The following TBC1D22A variants were observed in gnomAD, a reference collection of about 807,000 sequenced individuals.
TBC1D22A encodes the protein putative GTPase activator.
TBC1D22A carries 38 observed loss-of-function variants against 60.2 expected under a neutral mutation model. That is an observed-to-expected ratio of 0.63 (90% confidence interval 0.49 to 0.83). The LOEUF (loss-of-function observed/expected upper bound fraction) is 0.83. Ranked by LOEUF, TBC1D22A falls within the 40% of genes least tolerant of loss-of-function variation. The pLI is 0.00. For missense variants in TBC1D22A, 628 were observed against 701.0 expected (o/e 0.90, Z 1.18); for synonymous variants, 302 against 281.7 (o/e 1.07, Z -0.72).
chr22:47,161,936 T>C (rs1160123518), intron 12 of TBC1D22A, among the ~76,000 whole-genome samples: 1 of 152,218 alleles, frequency 6.6e-6, no homozygotes, highest in Non-Finnish European at 1.5e-5. Context: ...GCAAGCCCCG[T>C]CTTCTGGCAC....
intron 8 of TBC1D22A, among the ~76,000 whole-genome samples, chr22:46,966,348 G>A (rs2073804598): frequency 1.3e-5 from 2 of 152,160 alleles, no homozygotes; most frequent in South Asian, 2.1e-4. Context: ...ACAGACGGTC[G>A]AAAGCATCGG....
intron 1 of TBC1D22A, among the ~76,000 whole-genome samples, chr22:46,766,005 GTA>G (rs1556000714): frequency 7.2e-6 from 1 of 138,456 alleles, no homozygotes; most frequent in African/African-American, 2.7e-5. Flanking sequence ...GTGTGTGTGT[GTA>G]TTTTTTTTGA....
At chr22:47,124,140 C>T (rs970269549) in intron 12 of TBC1D22A, among the ~76,000 whole-genome samples, 3 of 151,968 alleles carry the variant, frequency 2.0e-5, no homozygotes, top group Non-Finnish European at 4.4e-5. Flanking sequence ...CTTGGGTCAG[C>T]GGGGGAGGGC....
At chr22:46,814,019 C>T (rs1375518906) in intron 4 of TBC1D22A, among the ~76,000 whole-genome samples, 1 of 152,250 alleles carries the variant, frequency 6.6e-6, no homozygotes, top group Non-Finnish European at 1.5e-5. Context: ...TGGTTTCTGC[C>T]TTTCCGCAGC....
intron 4 of TBC1D22A, among the ~76,000 whole-genome samples, chr22:46,803,988 A>C (rs1467286470): frequency 6.6e-6 from 1 of 152,216 alleles, no homozygotes; most frequent in Admixed American, 6.5e-5. Context: ...CTTTTGGTGC[A>C]TACATGGTCC....
intron 11 of TBC1D22A, among the ~76,000 whole-genome samples, chr22:47,094,581 A>G (rs754507142): frequency 1.4e-4 from 21 of 152,356 alleles, no homozygotes; most frequent in South Asian, 4.1e-4. Context: ...CCCTCTGTCT[A>G]TTTATATACA....
intron 9 of TBC1D22A, among the ~76,000 whole-genome samples, chr22:46,976,822 C>G (rs1370981782): frequency 1.3e-5 from 2 of 152,210 alleles, no homozygotes; most frequent in African/African-American, 2.4e-5. Context: ...TTCATCGGCT[C>G]TGTGGCAGCC....
At chr22:47,014,801 G>C (rs924212275) in intron 10 of TBC1D22A, among the ~76,000 whole-genome samples, 5 of 152,112 alleles carry the variant, frequency 3.3e-5, no homozygotes, top group African/African-American at 9.7e-5. Flanking sequence ...TGGGTGTGGT[G>C]GGGGGGACTG....
rs368423874 is a variant in TBC1D22A at position 46,938,095 on chromosome 22, C to T, written c.1015+25907C>T. On this transcript the variant is annotated intron_variant, in intron 8 of 12. Coordinates refer to ENST00000337137, the MANE Select transcript of TBC1D22A (RefSeq NM_014346.5). ...AGTGCTCGTGAAGTCTCCAGCTGTG[C>T]ACTGTAATGTCCCAGGCCTCGCAGC... 3.3e-5 allele frequency among the ~76,000 whole-genome samples: 5 copies of T among 152,292 alleles called. No individual in the cohort carries two copies. In the East Asian group the frequency reaches 7.7e-4, roughly 23 times the overall value.
chr22:46,965,672 A>T (rs1253965117), intron 8 of TBC1D22A, among the ~76,000 whole-genome samples: 1 of 152,234 alleles, frequency 6.6e-6, no homozygotes, highest in African/African-American at 2.4e-5. Flanking sequence ...TAACTAATAC[A>T]CACAGGCAGA....
intron 11 of TBC1D22A, among the ~76,000 whole-genome samples, chr22:47,077,165 G>A (rs2064260967): frequency 6.6e-6 from 1 of 152,178 alleles, no homozygotes; most frequent in Admixed American, 6.5e-5. Flanking sequence ...AAGAAGAAGG[G>A]GAGAAAGAGT....
At chr22:46,827,894 C>T (rs990236522) in intron 4 of TBC1D22A, among the ~76,000 whole-genome samples, 10 of 152,238 alleles carry the variant, frequency 6.6e-5, no homozygotes, top group African/African-American at 2.4e-4. Flanking sequence ...AGCGTTAAGG[C>T]CGCTCTGCAG....
At chr22:47,045,404 G>A (rs1408423761) in intron 11 of TBC1D22A, among the ~76,000 whole-genome samples, 2 of 152,158 alleles carry the variant, frequency 1.3e-5, no homozygotes, top group African/African-American at 2.4e-5. Context: ...TCCCGGAAGC[G>A]GTCATGCAGA....
rs773881420 is a variant in TBC1D22A at position 46,795,048 on chromosome 22, G to A, written c.460+1207G>A. Among the ~76,000 whole-genome samples the A allele has an allele frequency of 2.2e-4, 34 of 152,248 alleles. 1 individual carries two copies. Among genetic ancestry groups the A allele is most frequent in the Non-Finnish European group, 4.7e-4 (32 of 68,046 alleles). On this transcript the variant is annotated intron_variant, in intron 3 of 12. Transcript: ENST00000337137. ...TTCTAAAATGTTACAGCTCTCATTA[G>A]TTGAGAATGCTGTGCGTGATTTCAT...
At position 46,983,654 on chromosome 22, in the gene TBC1D22A, A is replaced by G. The variant is rs557955501; in HGVS notation, c.1125+9255A>G. ...GGGAGGGTCCTTTGTGGCTCCCCCA[A>G]CCAGCTGGCAGAGTAGCTGGTGCCA... On this transcript the variant is annotated intron_variant, in intron 9 of 12. Transcript: ENST00000337137. Among the ~76,000 whole-genome samples, 189 of 149,214 alleles carry G rather than the reference A, an allele frequency of 1.3e-3. 1 individual carries two copies. Among genetic ancestry groups the G allele is most frequent in the African/African-American group, 4.5e-3 (183 of 40,604 alleles).
intron 11 of TBC1D22A, among the ~76,000 whole-genome samples, chr22:47,078,800 A>T (rs540074605): frequency 1.3e-5 from 2 of 152,292 alleles, no homozygotes; most frequent in African/African-American, 4.8e-5. Context: ...CTTTCCTTAC[A>T]TTCATCTAAG....
At chr22:46,989,786 C>CACACACACACAA (rs1032013386) in intron 9 of TBC1D22A, among the ~76,000 whole-genome samples, 3 of 151,244 alleles carry the variant, frequency 2.0e-5, no homozygotes, top group African/African-American at 7.3e-5. Flanking sequence ...CACACACACA[C>CACACACACACAA]AATAAATAAA....
chr22:46,776,904 C>T (rs2083730298), intron 1 of TBC1D22A, among the ~76,000 whole-genome samples: 1 of 151,888 alleles, frequency 6.6e-6, no homozygotes, highest in Non-Finnish European at 1.5e-5. Context: ...GTAGGAAGAC[C>T]TTGAAGGATG....
chr22:46,960,730 A>G (rs2073452075), intron 8 of TBC1D22A, among the ~76,000 whole-genome samples: 1 of 152,014 alleles, frequency 6.6e-6, no homozygotes, highest in Non-Finnish European at 1.5e-5. Flanking sequence ...GTGGATCACG[A>G]GGTCAGGAGA....
Sources: allele counts gnomAD v4.1 joint callset (sites outside exome capture counted in the v4.1 genomes callset), GRCh38; gene constraint gnomAD v4.1.1; transcripts MANE v1.5; gene names NCBI Gene and HGNC (gene_info 2026-07-23, HGNC 2026-07-21).